RAPGEF2: variants seen among roughly 807,000 people sequenced by gnomAD.
RAPGEF2 encodes PDZ domain containing guanine nucleotide exchange factor (GEF) 1.
Under a neutral mutation model 186.7 loss-of-function variants are expected in RAPGEF2, and 54 were observed. The ratio of observed to expected loss-of-function variants is 0.29; its 90% CI spans 0.23 to 0.36. The LOEUF is 0.36. Among genes scored for constraint, RAPGEF2 ranks in the 10% least tolerant of loss-of-function variants. The pLI is 1.00. For missense variants in RAPGEF2, 1,532 were observed against 2,045.0 expected (o/e 0.75, Z 4.84); for synonymous variants, 712 against 705.9 (o/e 1.01, Z -0.14).
chr4:159,157,707 T>G (rs1159205477), intron 1 of RAPGEF2, among the ~76,000 whole-genome samples: 1 of 152,220 alleles, frequency 6.6e-6, no homozygotes, highest in Non-Finnish European at 1.5e-5. Flanking sequence ...GACAACAGCT[T>G]TCTATTGCCA....
At chr4:159,128,131 A>T (rs1490383478) in intron 1 of RAPGEF2, among the ~76,000 whole-genome samples, 8 of 152,130 alleles carry the variant, frequency 5.3e-5, no homozygotes, top group Admixed American at 5.2e-4. Context: ...GATACTTTAA[A>T]TTGTACGTTC....
At chr4:159,171,424 G>C (rs575797914) in intron 1 of RAPGEF2, among the ~76,000 whole-genome samples, 2 of 152,258 alleles carry the variant, frequency 1.3e-5, no homozygotes, top group African/African-American at 2.4e-5. Context: ...GAGAGGTTGA[G>C]TGACTTGTTC....
intron 1 of RAPGEF2, among the ~76,000 whole-genome samples, chr4:159,177,904 CA>C (rs1305256015): frequency 6.6e-6 from 1 of 152,176 alleles, no homozygotes; most frequent in Non-Finnish European, 1.5e-5. Flanking sequence ...TCTGATGGAT[CA>C]ACAAGGAAGA....
At chr4:159,157,947 G>A (rs76577386) in intron 1 of RAPGEF2, among the ~76,000 whole-genome samples, 2,260 of 152,232 alleles carry the variant, frequency 0.015, 70 homozygotes, top group African/African-American at 0.051. Flanking sequence ...TTGGGGTAGG[G>A]ACCGAGACAG....
At chr4:159,303,051 T>C (rs972658167) in intron 7 of RAPGEF2, among the ~76,000 whole-genome samples, 2 of 152,196 alleles carry the variant, frequency 1.3e-5, no homozygotes, top group African/African-American at 4.8e-5. Flanking sequence ...AAAGTTATTA[T>C]TTCTAAACAG....
intron 12 of RAPGEF2, 91 bp downstream of exon 12, chr4:159,330,101 C>G: frequency 7.4e-7 from 1 of 1,345,726 alleles, no homozygotes. Flanking sequence ...ATTTTTAGGC[C>G]TATCTCTTAA....
chr4:159,251,598 C>T (rs960566145), intron 7 of RAPGEF2, among the ~76,000 whole-genome samples: 1 of 151,794 alleles, frequency 6.6e-6, no homozygotes, highest in Non-Finnish European at 1.5e-5. Context: ...GATTTGTAAA[C>T]GCACCAATCA....
intron 7 of RAPGEF2, among the ~76,000 whole-genome samples, chr4:159,251,372 A>G (rs574543617): frequency 1.3e-5 from 2 of 152,368 alleles, no homozygotes; most frequent in East Asian, 3.9e-4. Flanking sequence ...CCACTAGGCA[A>G]AGCCAGCTGG....
intron 4 of RAPGEF2, among the ~76,000 whole-genome samples, chr4:159,220,174 A>T (rs893899049): frequency 2.0e-5 from 3 of 152,226 alleles, no homozygotes; most frequent in African/African-American, 7.2e-5. Flanking sequence ...TCATCATATC[A>T]AAAAATTTCA....
intron 26 of RAPGEF2, among the ~76,000 whole-genome samples, chr4:159,350,590 A>G (rs1215057517): frequency 6.6e-6 from 1 of 152,196 alleles, no homozygotes; most frequent in East Asian, 1.9e-4. Flanking sequence ...ATTTGTTCTA[A>G]CTAAATTTGG....
In RAPGEF2 at chr4:159,332,004, T is replaced by C. The variant is rs1293664352; in HGVS notation, c.1858T>C (p.Leu620=). 1 of 1,605,828 alleles carries C rather than the reference T, an allele frequency of 6.2e-7. No homozygotes were observed. Among genetic ancestry groups the C allele is most frequent in the Admixed American group, 1.7e-5 (1 of 58,918 alleles). ...GGAAATTCTTAGAAATAACACACAT[T>C]TATCTATCACTGTGAAAACCAATTT... is the stretch of plus-strand genomic sequence containing the variant. The part of the protein sequence containing the change: ...AMEILRNNTH[L]SITVKTNLFV... Residue 620 remains leucine (L), a synonymous_variant, in exon 16 of 30, where the codon TTA becomes CTA. Coordinates refer to ENST00000691494, the MANE Select transcript of RAPGEF2 (RefSeq NM_001394067.2).
intron 7 of RAPGEF2, among the ~76,000 whole-genome samples, chr4:159,252,783 G>GT (rs1252993293): frequency 3.9e-5 from 6 of 152,134 alleles, no homozygotes; most frequent in Non-Finnish European, 4.4e-5. Flanking sequence ...TTTTCAAACA[G>GT]TTTCATCTCT....
At position 159,164,047 on chromosome 4, in the gene RAPGEF2, CA is replaced by C. The variant is rs1343172710; in HGVS notation, c.70-22594del. Among the ~76,000 whole-genome samples, 9 of 152,124 alleles carry C rather than the reference CA, an allele frequency of 5.9e-5. No homozygotes were observed. The East Asian group carries it at 1.7e-3, about 29-fold the overall frequency. On this transcript the variant is annotated intron_variant, in intron 1 of 29. Coordinates refer to ENST00000691494, the MANE Select transcript of RAPGEF2 (RefSeq NM_001394067.2). ...TGAGACGGAGTCTCGCCGTGTCCCC[CA>C]GGCTGGAGTGCAGTGGCGCAATCTC...
chr4:159,151,538 C>T (rs901798474), intron 1 of RAPGEF2, among the ~76,000 whole-genome samples: 17 of 152,162 alleles, frequency 1.1e-4, no homozygotes, highest in African/African-American at 3.9e-4. Flanking sequence ...CTGTGCTGGT[C>T]TGTGGACAAT....
rs1748934554 is a variant in RAPGEF2, at chr4:159,198,277, TC to T, written c.197+5022del. Among the ~76,000 whole-genome samples, 4 of 5,854 alleles carry T rather than the reference TC, an allele frequency of 6.8e-4. No individual in the cohort carries two copies. In the South Asian group the frequency reaches 0.043, roughly 64 times the overall value. The allele number at this position is 5,854 out of a possible 152,430, so 3.8% of individuals were successfully genotyped here. On this transcript the variant is annotated intron_variant, in intron 3 of 29. Coordinates refer to ENST00000691494, the MANE Select transcript of RAPGEF2 (RefSeq NM_001394067.2). ...CTTTCTTTCTCTTTCTTTCCTTCTT[TC>T]TTTCTTTCTTTCTTTCTTTCTTTCT...
chr4:159,190,587 A>G (rs1250996338), intron 2 of RAPGEF2, among the ~76,000 whole-genome samples: 1 of 152,222 alleles, frequency 6.6e-6, no homozygotes, highest in Non-Finnish European at 1.5e-5. Context: ...TAATTTATAA[A>G]GGAAAGAAGT....
intron 4 of RAPGEF2, 39 bp downstream of exon 4, chr4:159,210,622 C>T (rs539540378): frequency 1.4e-6 from 2 of 1,408,158 alleles, no homozygotes; most frequent in African/African-American, 1.4e-5. Flanking sequence ...ATCCATGAAG[C>T]TTGAAATTCT....
chr4:159,218,712 C>T (rs1224741833), intron 4 of RAPGEF2, among the ~76,000 whole-genome samples: 4 of 151,970 alleles, frequency 2.6e-5, no homozygotes, highest in African/African-American at 9.7e-5. Context: ...GAGCCAAGAT[C>T]ACGCCACTGC....
chr4:159,262,282 A>G (rs978661615), intron 7 of RAPGEF2, among the ~76,000 whole-genome samples: 2 of 152,220 alleles, frequency 1.3e-5, no homozygotes, highest in Non-Finnish European at 2.9e-5. Context: ...AAACAGAGGG[A>G]TAATTAACAG....
Sources: gnomAD v4.1 joint callset for allele counts (sites outside exome capture counted in the v4.1 genomes callset) on GRCh38, gnomAD v4.1.1 for gene constraint, MANE v1.5 for transcripts, NCBI Gene and HGNC (gene_info 2026-07-23, HGNC 2026-07-21) for gene names.